The following IYD variants were observed in gnomAD, a reference collection of about 807,000 sequenced individuals.
IYD encodes the protein iodotyrosine deiodinase, also known as iodotyrosine deiodinase 1.
In IYD, 25 loss-of-function variants were observed where a neutral mutation model predicts 28.4. That is an observed-to-expected ratio of 0.88 (90% CI 0.64 to 1.23). The LOEUF is 1.23. Ranked by LOEUF, IYD falls within the 50% of genes most tolerant of loss-of-function variation. The probability of loss-of-function intolerance (pLI) is 0.00; values close to 1 mark genes in which losing one functional copy is unlikely to be tolerated. For missense variants in IYD, 352 were observed against 357.9 expected (o/e 0.98, Z 0.13); for synonymous variants, 140 against 130.8 (o/e 1.07, Z -0.48).
chr6:150,369,283 CT>C, intron 1 of IYD, 74 bp downstream of exon 1: 2 of 1,439,624 alleles, frequency 1.4e-6, no homozygotes, highest in Non-Finnish European at 1.9e-6. Flanking sequence ...AATGGCAGGG[CT>C]TATGGAGAGG....
intron 4 of IYD, among the ~76,000 whole-genome samples, chr6:150,394,900 C>T (rs1778254340): frequency 6.6e-6 from 1 of 152,238 alleles, no homozygotes; most frequent in Non-Finnish European, 1.5e-5. Flanking sequence ...ACCATCACAG[C>T]TCACTGCAGC....
chr6:150,383,812 AAAC>A (rs371441091), intron 1 of IYD, among the ~76,000 whole-genome samples: 55,246 of 118,484 alleles, frequency 0.47, 12,203 homozygotes, highest in Non-Finnish European at 0.52. Context: ...AAAAAAACAA[AAAC>A]AAAAACAAAA....
intron 4 of IYD, chr6:150,395,908 A>T (rs1229651634): frequency 1.9e-6 from 1 of 525,582 alleles, no homozygotes; most frequent in Admixed American, 3.2e-5. Flanking sequence ...CCCCTTGGCC[A>T]CTGAGTCCCC....
chr6:150,386,579 T>C (rs1300917928), intron 1 of IYD, among the ~76,000 whole-genome samples: 1 of 152,206 alleles, frequency 6.6e-6, no homozygotes, highest in Non-Finnish European at 1.5e-5. Flanking sequence ...GTATCCTTAC[T>C]GATTTTTTTC....
chr6:150,379,492 T>C (rs1720715358), intron 1 of IYD, among the ~76,000 whole-genome samples: 1 of 152,218 alleles, frequency 6.6e-6, no homozygotes, highest in African/African-American at 2.4e-5. Flanking sequence ...TACCATCCCT[T>C]CTTATTCTCT....
intron 1 of IYD, among the ~76,000 whole-genome samples, chr6:150,385,283 AT>A (rs778573307): frequency 1.1e-4 from 17 of 152,162 alleles, no homozygotes; most frequent in Non-Finnish European, 2.2e-4. Context: ...AGAACATCCT[AT>A]TTGTTCTCAA....
intron 1 of IYD, among the ~76,000 whole-genome samples, chr6:150,388,627 T>TTTTC (rs1178891144): frequency 0.028 from 3,569 of 128,996 alleles, 92 homozygotes; most frequent in South Asian, 0.059. Context: ...GTCTGGAGTT[T>TTTTC]TTGCTTTCTT....
chr6:150,397,974 G>A, intron 4 of IYD, 81 bp from the exon 5 acceptor site: 3 of 1,363,114 alleles, frequency 2.2e-6, no homozygotes, highest in African/African-American at 1.4e-5. Context: ...GTATAATCAG[G>A]ACAAGAAGGT....
intron 1 of IYD, among the ~76,000 whole-genome samples, chr6:150,385,576 T>TA (rs1168174983): frequency 2.0e-5 from 3 of 151,978 alleles, no homozygotes; most frequent in Admixed American, 6.6e-5. Flanking sequence ...GTATTTTTTT[T>TA]TATAAATTGC....
At chr6:150,376,572 G>A (rs1777452682) in intron 1 of IYD, among the ~76,000 whole-genome samples, 1 of 152,168 alleles carries the variant, frequency 6.6e-6, no homozygotes, top group South Asian at 2.1e-4. Context: ...GGTTGTCTCT[G>A]TCTGCCTGGA....
At chr6:150,374,539 G>C (rs952586318) in intron 1 of IYD, among the ~76,000 whole-genome samples, 1 of 152,194 alleles carries the variant, frequency 6.6e-6, no homozygotes, top group African/African-American at 2.4e-5. Flanking sequence ...GTGGTGGCAG[G>C]CAAAGAGGGA....
At chr6:150,397,582 A>C (rs1460134828) in intron 4 of IYD, among the ~76,000 whole-genome samples, 4 of 123,144 alleles carry the variant, frequency 3.2e-5, no homozygotes, top group African/African-American at 1.5e-4. Flanking sequence ...AAAAAAAACA[A>C]AAAACAAAAC....
intron 4 of IYD, chr6:150,395,640 C>A: frequency 3.4e-6 from 4 of 1,182,618 alleles, no homozygotes; most frequent in East Asian, 2.5e-5. Context: ...AAGGCATAAT[C>A]CCGAGAGTAG....
chr6:150,371,246 A>G (rs953201048), intron 1 of IYD, among the ~76,000 whole-genome samples: 2 of 152,220 alleles, frequency 1.3e-5, no homozygotes, highest in African/African-American at 4.8e-5. Flanking sequence ...TTTCATCTTC[A>G]TGACAGTACA....
chr6:150,379,383 G>T (rs1012078031), intron 1 of IYD, among the ~76,000 whole-genome samples: 2 of 152,170 alleles, frequency 1.3e-5, no homozygotes, highest in African/African-American at 4.8e-5. Flanking sequence ...TTTTCACATT[G>T]TCTGCTAAAT....
chr6:150,376,322 A>G (rs961069066), intron 1 of IYD, among the ~76,000 whole-genome samples: 1 of 152,222 alleles, frequency 6.6e-6, no homozygotes, highest in African/African-American at 2.4e-5. Flanking sequence ...TTTAACATGT[A>G]TAAGCACTGG....
chr6:150,397,177 G>A (rs1778354385), intron 4 of IYD, among the ~76,000 whole-genome samples: 2 of 151,964 alleles, frequency 1.3e-5, no homozygotes, highest in African/African-American at 4.8e-5. Flanking sequence ...TATATATATG[G>A]GTTCATAAAT....
chr6:150,392,745 G>A (rs557763350), intron 3 of IYD, among the ~76,000 whole-genome samples: 33 of 152,234 alleles, frequency 2.2e-4, no homozygotes, highest in South Asian at 1.0e-3. Context: ...CTTTTCACTC[G>A]TCTGGAACAT....
At chr6:150,388,630 GCTTT>G (rs71010894) in intron 1 of IYD, among the ~76,000 whole-genome samples, 2,618 of 129,266 alleles carry the variant, frequency 0.02, 41 homozygotes, top group Middle Eastern at 0.038. Context: ...TGGAGTTTTT[GCTTT>G]CTTTCTTTCT....
Sources: gnomAD v4.1 joint callset for allele counts (sites outside exome capture counted in the v4.1 genomes callset) on GRCh38, gnomAD v4.1.1 for gene constraint, MANE v1.5 for transcripts, NCBI Gene and HGNC (gene_info 2026-07-23, HGNC 2026-07-21) for gene names.